The following SORCS2 variants were observed in gnomAD, a reference collection of about 807,000 sequenced individuals.
SORCS2 encodes the protein VPS10 domain-containing receptor SorCS2.
A neutral mutation model predicts 141.6 loss-of-function variants in SORCS2; 100 were observed. The ratio of observed to expected loss-of-function variants is 0.71; its 90% confidence interval spans 0.60 to 0.83. SORCS2 has a LOEUF of 0.83. Ranked by LOEUF, SORCS2 falls within the 40% of genes least tolerant of loss-of-function variation. The probability of loss-of-function intolerance (pLI) is 0.00; values close to 1 mark genes in which losing one functional copy is unlikely to be tolerated. For missense variants in SORCS2, 1,646 were observed against 1,560.2 expected (o/e 1.05, Z -0.93); for synonymous variants, 789 against 676.9 (o/e 1.17, Z -2.57).
chr4:7,614,160 C>CCCATCCA (rs769578696), intron 3 of SORCS2, among the ~76,000 whole-genome samples: 18 of 151,656 alleles, frequency 1.2e-4, no homozygotes, highest in African/African-American at 2.9e-4. Flanking sequence ...TACCCATCCA[C>CCCATCCA]CCATCCACCA....
In SORCS2 at chr4:7,576,467, G is replaced by A. The variant is rs144316051; in HGVS notation, c.648+44838G>A. On this transcript the variant is annotated intron_variant, in intron 3 of 26. Coordinates refer to ENST00000507866, the MANE Select transcript of SORCS2 (RefSeq NM_020777.3). ...AAGTCACAACAGCCATCGAGTGCCT[G>A]CTAGAGCCAAGCCCTGTGGGACTGA... Among the ~76,000 whole-genome samples the A allele has an allele frequency of 7.2e-3, 1,090 of 152,318 alleles. 5 individuals carry two copies. The highest frequency in any genetic ancestry group is 0.015 in the Admixed American group (222 of 15,296).
At chr4:7,225,475 T>G (rs569933313) in intron 1 of SORCS2, among the ~76,000 whole-genome samples, 1 of 152,358 alleles carries the variant, frequency 6.6e-6, no homozygotes, top group South Asian at 2.1e-4. Context: ...GAACTCTTCC[T>G]CTGGCTTCTC....
intron 14 of SORCS2, 40 bp downstream of exon 14, chr4:7,704,324 C>T: frequency 6.5e-7 from 1 of 1,544,884 alleles, no homozygotes. Context: ...GGTGGCAGGG[C>T]AGAGCCATGC....
rs761851611 is a variant in SORCS2, at chr4:7,723,676, C to T, written c.2425-21C>T. ...AGCTTCAAGGCCCACTCCTGAGTGGCCACATGGTGTTTCTCTGCAGGGTGA... is the reference window on the plus strand; with the variant it reads ...AGCTTCAAGGCCCACTCCTGAGTGGTCACATGGTGTTTCTCTGCAGGGTGA... On this transcript the variant is annotated intron_variant, in intron 18 of 26. Transcript: ENST00000507866. 2.4e-5 allele frequency: 38 copies of T among 1,613,096 alleles called. 1 individual carries two copies. In the South Asian group the frequency reaches 3.6e-4, roughly 15 times the overall value.
At chr4:7,276,031 C>T (rs1456736642) in intron 1 of SORCS2, among the ~76,000 whole-genome samples, 1 of 152,160 alleles carries the variant, frequency 6.6e-6, no homozygotes, top group Non-Finnish European at 1.5e-5. Context: ...TTGCTCTGCT[C>T]ATAATGCGTA....
chr4:7,325,089 C>G (rs1719162401), intron 1 of SORCS2, among the ~76,000 whole-genome samples: 1 of 152,228 alleles, frequency 6.6e-6, no homozygotes, highest in Non-Finnish European at 1.5e-5. Context: ...AGTGCACGCA[C>G]CAAGCTCATC....
intron 1 of SORCS2, among the ~76,000 whole-genome samples, chr4:7,236,560 G>A (rs893390340): frequency 7.2e-5 from 11 of 152,192 alleles, no homozygotes; most frequent in African/African-American, 2.2e-4. Flanking sequence ...CACTGTTACC[G>A]GTTTCTTACC....
chr4:7,286,960 C>T lies in SORCS2; in HGVS notation c.480+93834C>T, dbSNP rs1040746936. ...GAGAGAGGGACCAGGGCCACTGGTA[C>T]GAACGCTTCTTGCATCAGGTGGCTG... On this transcript the variant is annotated intron_variant, in intron 1 of 26. Transcript: ENST00000507866. This position sits in a 1 kb window ranked among gnomAD's most constrained non-coding sequence, Gnocchi z 4.1. 2.0e-5 allele frequency among the ~76,000 whole-genome samples: 3 copies of T among 152,188 alleles called. No homozygotes were observed. Among genetic ancestry groups the T allele is most frequent in the African/African-American group, 7.2e-5 (3 of 41,436 alleles).
chr4:7,456,498 G>A (rs995286904), intron 2 of SORCS2, among the ~76,000 whole-genome samples: 2 of 151,826 alleles, frequency 1.3e-5, no homozygotes, highest in Non-Finnish European at 2.9e-5. Flanking sequence ...GCCTCCTTTT[G>A]AGGACAGAAA....
intron 1 of SORCS2, among the ~76,000 whole-genome samples, chr4:7,300,951 C>T (rs114841319): frequency 1.3e-5 from 2 of 152,334 alleles, no homozygotes; most frequent in Admixed American, 6.5e-5. Flanking sequence ...GCAGCTCCCT[C>T]TGCAGACACC....
chr4:7,540,527 C>T (rs1712544708), intron 3 of SORCS2, among the ~76,000 whole-genome samples: 2 of 152,204 alleles, frequency 1.3e-5, no homozygotes, highest in Admixed American at 6.5e-5. Flanking sequence ...TTGCGCTTCA[C>T]GGCTTTGCCC....
chr4:7,637,432 C>G (rs918159357), intron 3 of SORCS2, among the ~76,000 whole-genome samples: 1 of 152,224 alleles, frequency 6.6e-6, no homozygotes, highest in African/African-American at 2.4e-5. Flanking sequence ...AGCAGTTGTC[C>G]CTGAAACAGA....
rs564899172 is a variant in SORCS2, at chr4:7,636,105, C to T, written c.649-2223C>T. ...CCAGGAAAGCTGTGCTCATCTTCAG[C>T]AGGGCTGGTCCTATCCAGCCCCACG... On this transcript the variant is annotated intron_variant, in intron 3 of 26. Coordinates refer to ENST00000507866, the MANE Select transcript of SORCS2 (RefSeq NM_020777.3). Among the ~76,000 whole-genome samples the T allele has an allele frequency of 2.8e-4, 43 of 152,354 alleles. No individual in the cohort carries two copies. The East Asian group carries it at 8.1e-3, about 29-fold the overall frequency.
intron 1 of SORCS2, among the ~76,000 whole-genome samples, chr4:7,368,380 C>T (rs550849833): frequency 1.3e-5 from 2 of 152,214 alleles, no homozygotes; most frequent in Non-Finnish European, 2.9e-5. Context: ...CTCAAGCCCA[C>T]CCTCCCACGG....
At chr4:7,492,178 G>T (rs542082578) in intron 2 of SORCS2, among the ~76,000 whole-genome samples, 2 of 152,342 alleles carry the variant, frequency 1.3e-5, no homozygotes, top group Admixed American at 1.3e-4. Flanking sequence ...GAGCAGGGCT[G>T]CCCACCTCCC....
chr4:7,726,074 G>A (rs563342719), intron 20 of SORCS2, among the ~76,000 whole-genome samples: 4 of 152,260 alleles, frequency 2.6e-5, no homozygotes, highest in Admixed American at 2.0e-4. Context: ...CTGTCTCTGC[G>A]GCAACATGGC....
intron 1 of SORCS2, among the ~76,000 whole-genome samples, chr4:7,197,213 A>G (rs1727223735): frequency 6.6e-6 from 1 of 152,196 alleles, no homozygotes; most frequent in Non-Finnish European, 1.5e-5. Flanking sequence ...TAAGGGCACC[A>G]GTCATATTGG....
intron 1 of SORCS2, among the ~76,000 whole-genome samples, chr4:7,297,540 C>A (rs1241445001): frequency 6.6e-6 from 1 of 152,202 alleles, no homozygotes; most frequent in Non-Finnish European, 1.5e-5. Flanking sequence ...CCTGCTGAGT[C>A]TCCCTGGGTG....
chr4:7,639,016 G>A (rs1720456487), intron 4 of SORCS2, among the ~76,000 whole-genome samples: 1 of 152,064 alleles, frequency 6.6e-6, no homozygotes, highest in Non-Finnish European at 1.5e-5. Context: ...CCGGTGAGTG[G>A]GGGAGCGGGG....
Sources: gnomAD v4.1 joint callset for allele counts (sites outside exome capture counted in the v4.1 genomes callset) on GRCh38, gnomAD v4.1.1 for gene constraint, Gnocchi (gnomAD v3.1) non-coding constraint, MANE v1.5 for transcripts, NCBI Gene and HGNC (gene_info 2026-07-23, HGNC 2026-07-21) for gene names.